Variants in ABCC1 observed in about 807,000 individuals in gnomAD.
The protein encoded by ABCC1 is multidrug resistance-associated protein 1.
In ABCC1, 83 loss-of-function variants were observed where a neutral mutation model predicts 172.9. That is an observed-to-expected ratio of 0.48 (90% confidence interval 0.40 to 0.58). The LOEUF is 0.58. Ranked by LOEUF, ABCC1 falls within the 20% of genes least tolerant of loss-of-function variation. The probability of loss-of-function intolerance (pLI) is 0.00; values close to 1 mark genes in which losing one functional copy is unlikely to be tolerated. For missense variants in ABCC1, 1,817 were observed against 2,002.7 expected, an observed-to-expected ratio of 0.91 and a Z score of 1.77; for synonymous variants, 937 against 825.2, an observed-to-expected ratio of 1.14 and a Z score of -2.32.
chr16:16,035,399 T>C (rs2048716366), intron 6 of ABCC1, among the ~76,000 whole-genome samples: 1 of 152,236 alleles, frequency 6.6e-6, no homozygotes, highest in African/African-American at 2.4e-5. Context: ...AAGATTAATA[T>C]AATAAAACTC....
Position 16,056,310 on chromosome 16 carries a change from A to G in ABCC1, c.1677+15A>G, listed in dbSNP as rs1257260858. 1.2e-5 allele frequency: 20 copies of G among 1,613,640 alleles called. No homozygotes were observed. Among genetic ancestry groups the G allele is most frequent in the Non-Finnish European group, 1.6e-5 (19 of 1,179,794 alleles). On this transcript the variant is annotated intron_variant, in intron 12 of 30. Transcript: ENST00000399410. ...CGCCCTTTCTGGTGAGTGAAGCCAC[A>G]TTTTTCCTGGCCCTCATTGTTTGAT...
intron 13 of ABCC1, among the ~76,000 whole-genome samples, chr16:16,069,248 C>A (rs967295432): frequency 4.6e-5 from 7 of 151,184 alleles, no homozygotes; most frequent in African/African-American, 9.7e-5. Context: ...GTGGTGTGCC[C>A]CTGTACTCCC....
intron 1 of ABCC1, among the ~76,000 whole-genome samples, chr16:15,971,931 C>A (rs1800325235): frequency 6.6e-6 from 1 of 151,918 alleles, no homozygotes; most frequent in South Asian, 2.1e-4. Flanking sequence ...GAAGAAGGTC[C>A]CCTGTACAGA....
intron 5 of ABCC1, among the ~76,000 whole-genome samples, chr16:16,022,394 A>G (rs1325865032): frequency 6.6e-6 from 1 of 152,086 alleles, no homozygotes; most frequent in Non-Finnish European, 1.5e-5. Context: ...GCCGGTCCCC[A>G]GTCTCCTGCC....
intron 12 of ABCC1, among the ~76,000 whole-genome samples, chr16:16,060,022 A>G (rs969093203): frequency 6.6e-6 from 1 of 151,932 alleles, no homozygotes; most frequent in Admixed American, 6.6e-5. Context: ...AATGAAATCA[A>G]TGCTGAGCTC....
intron 1 of ABCC1, among the ~76,000 whole-genome samples, chr16:15,999,777 C>T (rs937971284): frequency 4.0e-5 from 1 of 25,144 alleles, no homozygotes; most frequent in African/African-American, 9.7e-5. Flanking sequence ...CTTTCTCTCT[C>T]TCTCTCTCTC....
intron 16 of ABCC1, among the ~76,000 whole-genome samples, chr16:16,082,492 T>C (rs2050843559): frequency 6.6e-6 from 1 of 152,204 alleles, no homozygotes; most frequent in African/African-American, 2.4e-5. Context: ...CAAATATCCT[T>C]ACTCTAGCCT....
chr16:16,083,228 C>A, intron 16 of ABCC1, 138 bp from the exon 17 acceptor site: 1 of 843,950 alleles, frequency 1.2e-6, no homozygotes, highest in Non-Finnish European at 1.9e-6. Flanking sequence ...AGTCAGTTTC[C>A]CTCTTGCCAA....
chr16:16,080,056 GCA>G, intron 16 of ABCC1, among the ~76,000 whole-genome samples: 1 of 152,136 alleles, frequency 6.6e-6, no homozygotes, highest in Non-Finnish European at 1.5e-5. Flanking sequence ...CAAGTGATCT[GCA>G]CACCTCTGTC....
chr16:16,033,080 C>G, intron 5 of ABCC1, 29 bp from the exon 6 acceptor site: 2 of 1,609,412 alleles, frequency 1.2e-6, no homozygotes, highest in Non-Finnish European at 1.7e-6. Context: ...TTCCCTCTTC[C>G]TCCCAAACCT....
chr16:15,954,102 C>T (rs1301715116), intron 1 of ABCC1, among the ~76,000 whole-genome samples: 1 of 149,566 alleles, frequency 6.7e-6, no homozygotes, highest in Non-Finnish European at 1.5e-5. Flanking sequence ...CTGCCTGCTG[C>T]GTTCACATGA....
At chr16:16,059,785 C>T (rs959298965) in intron 12 of ABCC1, among the ~76,000 whole-genome samples, 4 of 151,888 alleles carry the variant, frequency 2.6e-5, no homozygotes, top group African/African-American at 2.4e-5. Flanking sequence ...GGCTGGGCAA[C>T]AGAGTGAGAC....
chr16:16,121,157 C>A lies in ABCC1; in HGVS notation c.3391-818C>A, dbSNP rs139934493. Among the ~76,000 whole-genome samples, 9 of 152,200 alleles carry A rather than the reference C, an allele frequency of 5.9e-5. No individual in the cohort carries two copies. The East Asian group carries it at 1.7e-3, about 29-fold the overall frequency. On this transcript the variant is annotated intron_variant, in intron 23 of 30. Coordinates refer to ENST00000399410, the MANE Select transcript of ABCC1 (RefSeq NM_004996.4). ...TAAGACTGTAACTCTTACATGTCAC[C>A]CTCACAATGACCCCGTGAAGCAAGC...
In ABCC1 at chr16:16,124,409, G is replaced by A. The variant is rs1021052331; in HGVS notation, c.3591-380G>A. 1.7e-3 allele frequency among the ~76,000 whole-genome samples: 249 copies of A among 146,314 alleles called. 3 individuals are homozygous for A. The highest frequency in any genetic ancestry group is 6.5e-3 in the African/African-American group (243 of 37,422). On this transcript the variant is annotated intron_variant, in intron 24 of 30. Coordinates refer to ENST00000399410, the MANE Select transcript of ABCC1 (RefSeq NM_004996.4). ...TGTGTGTGTGTGTGTGTGTGTGTGT[G>A]TATGTGTGTGTGTGTGATTATAGGA...
At chr16:16,062,537 A>G (rs946085431) in intron 12 of ABCC1, among the ~76,000 whole-genome samples, 13 of 152,034 alleles carry the variant, frequency 8.6e-5, no homozygotes, top group African/African-American at 3.1e-4. Context: ...CCTTTTCTTG[A>G]GCTTTCTTGC....
intron 9 of ABCC1, 104 bp from the exon 10 acceptor site, chr16:16,048,038 C>T: frequency 7.2e-7 from 1 of 1,397,684 alleles, no homozygotes; most frequent in Non-Finnish European, 9.9e-7. Context: ...AGATCTGCGG[C>T]ATTTCTGCCC....
chr16:16,043,281 G>C (rs1181134369), intron 7 of ABCC1, among the ~76,000 whole-genome samples: 3 of 106,534 alleles, frequency 2.8e-5, no homozygotes, highest in Non-Finnish European at 5.6e-5. Context: ...TACCTGTCTT[G>C]ATGATTGTTG....
chr16:15,969,668 C>T (rs1364902158), intron 1 of ABCC1, among the ~76,000 whole-genome samples: 1 of 152,082 alleles, frequency 6.6e-6, no homozygotes, highest in Non-Finnish European at 1.5e-5. Flanking sequence ...CCACTGCTCC[C>T]AGCCCATAGT....
At chr16:16,051,424 T>A (rs1332451105) in intron 10 of ABCC1, among the ~76,000 whole-genome samples, 1 of 152,106 alleles carries the variant, frequency 6.6e-6, no homozygotes, top group East Asian at 1.9e-4. Flanking sequence ...CTTACCACTT[T>A]GGCCTCCCAA....
Sources: allele counts gnomAD v4.1 joint callset (sites outside exome capture counted in the v4.1 genomes callset), GRCh38; gene constraint gnomAD v4.1.1; transcripts MANE v1.5; gene names NCBI Gene and HGNC (gene_info 2026-07-23, HGNC 2026-07-21).